Variants in ARL14EPL observed in about 807,000 individuals in gnomAD.
ARL14EPL encodes the protein ARL14 effector protein-like.
ARL14EPL carries 17 observed loss-of-function variants against 15.9 expected under a neutral mutation model. The observed-to-expected ratio is 1.07, with a 90% confidence interval of 0.73 to 1.60. The LOEUF (loss-of-function observed/expected upper bound fraction) is 1.60. Ranked by LOEUF, ARL14EPL falls within the 40% of genes most tolerant of loss-of-function variation. The pLI, the probability that ARL14EPL is intolerant of heterozygous loss-of-function variation, is 0.00. For missense variants in ARL14EPL, 214 were observed against 185.9 expected (o/e 1.15, Z -0.88); for synonymous variants, 78 against 63.8 (o/e 1.22, Z -1.06).
chr5:116,056,578 T>A (rs912173188), intron 3 of ARL14EPL, among the ~76,000 whole-genome samples: 3 of 152,184 alleles, frequency 2.0e-5, no homozygotes, highest in African/African-American at 7.2e-5. Flanking sequence ...TTGCAAAAAT[T>A]TTCTCCCATT....
chr5:116,057,793 TG>T, intron 3 of ARL14EPL, among the ~76,000 whole-genome samples: 1 of 152,320 alleles, frequency 6.6e-6, no homozygotes, highest in East Asian at 1.9e-4. Context: ...GGAGGCATTG[TG>T]CCTGCTTAGG....
intron 3 of ARL14EPL, among the ~76,000 whole-genome samples, chr5:116,055,318 T>C (rs2112681484): frequency 6.6e-6 from 1 of 152,336 alleles, no homozygotes; most frequent in East Asian, 1.9e-4. Context: ...AATTAATATC[T>C]TGGAAAAAGT....
rs763898106 is a variant in ARL14EPL, at chr5:116,058,792, G to C, written c.304G>C (p.Glu102Gln). 1 of 1,535,906 alleles carries C rather than the reference G, an allele frequency of 6.5e-7. No homozygotes were observed. Among genetic ancestry groups the C allele is most frequent in the South Asian group, 1.2e-5 (1 of 84,048 alleles). Residue 102 changes from glutamate to glutamine, a missense_variant, in exon 4 of 4, where the codon GAG becomes CAG. Transcript: ENST00000686077. ...CNDADLCDCLEKNCLGCFYPC... is the reference protein window; with the variant it reads ...CNDADLCDCLQKNCLGCFYPC... Reference sequence around the variant, plus strand: ...TGACGCTGATCTGTGTGATTGTCTAGAGAAGAACTGCCTGGGCTGCTTCTA... The same window carrying C: ...TGACGCTGATCTGTGTGATTGTCTACAGAAGAACTGCCTGGGCTGCTTCTA...
At chr5:116,050,831 A>ACG (rs1438483561) in intron 1 of ARL14EPL, among the ~76,000 whole-genome samples, 22 of 14,670 alleles carry the variant, frequency 1.5e-3, no homozygotes, top group African/African-American at 3.9e-3. Flanking sequence ...ACACACATGC[A>ACG]CACACACACA....
intron 3 of ARL14EPL, 23 bp downstream of exon 3, chr5:116,054,176 T>G (rs1183295011): frequency 3.9e-5 from 60 of 1,525,338 alleles, no homozygotes; most frequent in Non-Finnish European, 5.0e-5. Flanking sequence ...CTTATTGTAT[T>G]TGATCTGTGG....
chr5:116,043,815 G>A (rs979907445), intron 1 of ARL14EPL, among the ~76,000 whole-genome samples: 2 of 152,116 alleles, frequency 1.3e-5, no homozygotes, highest in African/African-American at 4.8e-5. Flanking sequence ...CTAGTTTTAA[G>A]AGCATTACTA....
In ARL14EPL at chr5:116,059,158, A is replaced by G. The variant is rs1280324256; in HGVS notation, c.*211A>G. ...TTTTCAAGTCCCTTAACTTGCAACC[A>G]AAGAATGTAACAATGGAGGGATCAG... On this transcript the variant is annotated 3_prime_UTR_variant, in exon 4 of 4. Coordinates refer to ENST00000686077, the MANE Select transcript of ARL14EPL (RefSeq NM_001195581.2). The G allele has an allele frequency of 1.8e-6, 1 of 570,942 alleles. No individual in the cohort carries two copies. Among genetic ancestry groups the G allele is most frequent in the Non-Finnish European group, 3.1e-6 (1 of 321,792 alleles). The allele number at this position is 570,942 out of a possible 1,614,324, so 35.4% of individuals were successfully genotyped here.
intron 2 of ARL14EPL, among the ~76,000 whole-genome samples, chr5:116,053,670 C>T (rs1456606162): frequency 6.6e-6 from 1 of 152,166 alleles, no homozygotes; most frequent in Admixed American, 6.5e-5. Context: ...CTCCTTCATC[C>T]TTACCCACAT....
chr5:116,058,699 C>A (rs6880121), intron 3 of ARL14EPL, 26 bp from the exon 4 acceptor site: 95 of 1,528,338 alleles, frequency 6.2e-5, no homozygotes, highest in Non-Finnish European at 8.2e-5. Flanking sequence ...GCACTGTCAT[C>A]TTAATGTCAT....
chr5:116,053,925 G>T, intron 2 of ARL14EPL, 89 bp from the exon 3 acceptor site: 4 of 1,120,474 alleles, frequency 3.6e-6, no homozygotes, highest in South Asian at 3.6e-5. Flanking sequence ...TGCCTTTATG[G>T]TGAAAGTTAC....
Position 116,058,897 on chromosome 5 carries a change from A to G in ARL14EPL, c.409A>G (p.Thr137Ala), listed in dbSNP as rs1580420187. ...NRRWVYDAIV[T>A]ESGEVISTLP... ...ACGGTGGGTTTACGATGCCATCGTC[A>G]CTGAGTCAGGAGAGGTCATCAGCAC... The change falls in exon 4 of 4, where the codon ACT becomes GCT. Residue 137 changes from threonine (T) to alanine (A), a missense_variant. Coordinates refer to ENST00000686077, the MANE Select transcript of ARL14EPL (RefSeq NM_001195581.2). 1.3e-6 allele frequency: 2 copies of G among 1,536,120 alleles called. No individual in the cohort carries two copies. The highest frequency in any genetic ancestry group is 4.9e-5 in the East Asian group (2 of 40,920).
At position 116,055,095 on chromosome 5, in the gene ARL14EPL, A is replaced by T. The variant is rs567465977; in HGVS notation, c.236+942A>T. 7.2e-5 allele frequency among the ~76,000 whole-genome samples: 11 copies of T among 152,308 alleles called. No homozygotes were observed. In the South Asian group the frequency reaches 2.3e-3, roughly 32 times the overall value. On this transcript the variant is annotated intron_variant, in intron 3 of 3. Transcript: ENST00000686077. The stretch of plus-strand genomic sequence containing the variant: ...AAAATGATAAACAGACATTTCATAG[A>T]GGAAACAACAAATAAACATTCAGGA...
intron 1 of ARL14EPL, among the ~76,000 whole-genome samples, chr5:116,036,128 A>G (rs1435581306): frequency 6.6e-6 from 1 of 152,244 alleles, no homozygotes; most frequent in East Asian, 1.9e-4. Flanking sequence ...TCAGGTCAGT[A>G]TAATTGTTCT....
chr5:116,050,802 CTCTCTCTCTCTCTT>C (rs1383244595), intron 1 of ARL14EPL, among the ~76,000 whole-genome samples: 2 of 137,584 alleles, frequency 1.5e-5, no homozygotes, highest in African/African-American at 5.6e-5. Context: ...CTCTCTCTCT[CTCTCTCTCTCTCTT>C]ACACACACAC....
At chr5:116,048,571 T>C (rs1015464089) in intron 1 of ARL14EPL, among the ~76,000 whole-genome samples, 3 of 152,172 alleles carry the variant, frequency 2.0e-5, no homozygotes, top group Non-Finnish European at 4.4e-5. Context: ...CAGTAATACA[T>C]GTGCCCAACT....
At chr5:116,037,586 G>GTTTT (rs1286197150) in intron 1 of ARL14EPL, among the ~76,000 whole-genome samples, 3 of 152,106 alleles carry the variant, frequency 2.0e-5, no homozygotes, top group Admixed American at 6.5e-5. Context: ...TTGTTTGTTT[G>GTTTT]TTTGTTTTTA....
chr5:116,040,966 C>T (rs1349540758), intron 1 of ARL14EPL, among the ~76,000 whole-genome samples: 6 of 24,690 alleles, frequency 2.4e-4, no homozygotes, highest in Non-Finnish European at 3.9e-4. Flanking sequence ...GGAGACAGAA[C>T]GAGATTCCCT....
intron 1 of ARL14EPL, 95 bp downstream of exon 1, chr5:116,032,600 G>C (rs1384950209): frequency 6.6e-6 from 1 of 152,052 alleles, no homozygotes; most frequent in African/African-American, 2.4e-5. Flanking sequence ...CTATTTTATT[G>C]TTAGTTACTG....
chr5:116,046,536 A>C (rs1285497482), intron 1 of ARL14EPL, among the ~76,000 whole-genome samples: 1 of 152,196 alleles, frequency 6.6e-6, no homozygotes, highest in Non-Finnish European at 1.5e-5. Flanking sequence ...CATTCCCTCA[A>C]GGGATGTGGT....
Sources: allele counts gnomAD v4.1 joint callset (sites outside exome capture counted in the v4.1 genomes callset), GRCh38; gene constraint gnomAD v4.1.1; transcripts MANE v1.5; gene names NCBI Gene and HGNC (gene_info 2026-07-23, HGNC 2026-07-21).